Variants in HACL1 observed in about 807,000 individuals in gnomAD.
HACL1 encodes 1600020H07Rik.
A neutral mutation model predicts 74.2 loss-of-function variants in HACL1; 64 were observed. The ratio of observed to expected loss-of-function variants is 0.86; its 90% confidence interval spans 0.70 to 1.06. HACL1 has a LOEUF of 1.06. Ranked by LOEUF, HACL1 falls within the 50% of genes least tolerant of loss-of-function variation. The probability of loss-of-function intolerance (pLI) is 0.00; values close to 1 mark genes in which losing one functional copy is unlikely to be tolerated. For synonymous variants in HACL1, 230 were observed against 238.8 expected, an observed-to-expected ratio of 0.96 and a Z score of 0.34; for missense variants, 728 against 719.7, an observed-to-expected ratio of 1.01 and a Z score of -0.13.
intron 16 of HACL1, 61 bp from the exon 17 acceptor site, chr3:15,560,958 CATT>C: frequency 8.2e-7 from 1 of 1,223,894 alleles, no homozygotes. Flanking sequence ...ATTATATCCT[CATT>C]GTTTCACTTG....
Position 15,586,894 on chromosome 3 carries a change from T to A in HACL1, c.382-292A>T, listed in dbSNP as rs116826774. ...AATAGGCACTTCTATAAACTGCTGGTGAGACTATAAATGGGAAAGGAAGTT... is the reference window on the plus strand; with the variant it reads ...AATAGGCACTTCTATAAACTGCTGGAGAGACTATAAATGGGAAAGGAAGTT... On this transcript the variant is annotated intron_variant, in intron 5 of 16. Transcript: ENST00000321169. 4.3e-3 allele frequency among the ~76,000 whole-genome samples: 648 copies of A among 152,244 alleles called. 4 individuals carry two copies. The highest frequency in any genetic ancestry group is 0.014 in the African/African-American group (597 of 41,544).
At chr3:15,575,150 G>C (rs903003795) in intron 9 of HACL1, 68 bp from the exon 10 acceptor site, 2 of 805,088 alleles carry the variant, frequency 2.5e-6, no homozygotes, top group African/African-American at 3.4e-5. Flanking sequence ...ATTCATCTCT[G>C]AAGTATTTGA....
chr3:15,583,587 T>C (rs114840556), intron 7 of HACL1, among the ~76,000 whole-genome samples: 1 of 151,950 alleles, frequency 6.6e-6, no homozygotes, highest in African/African-American at 2.4e-5. Context: ...AGGACTGAAC[T>C]AGTCATTCTG....
intron 9 of HACL1, among the ~76,000 whole-genome samples, chr3:15,575,413 A>G (rs933922560): frequency 1.3e-5 from 2 of 152,226 alleles, no homozygotes. Flanking sequence ...AAAAAACAAA[A>G]TCACCCCATA....
rs752404751 is a variant in HACL1 at position 15,568,503 on chromosome 3, G to C, written c.1179C>G (p.Phe393Leu). The C allele has an allele frequency of 6.3e-7, 1 of 1,598,554 alleles. No homozygotes were observed. Among genetic ancestry groups the C allele is most frequent in the Non-Finnish European group, 8.6e-7 (1 of 1,166,044 alleles). Residue 393 changes from phenylalanine to leucine, a missense_variant, in exon 13 of 17, where the codon TTC becomes TTG. Coordinates refer to ENST00000321169, the MANE Select transcript of HACL1 (RefSeq NM_012260.4). ...HVQEQLPRDC[F>L]VVSEGANTMD... The stretch of plus-strand genomic sequence containing the variant: ...TAGTATTTGCTCCTTCACTTACCAC[G>C]AAACAGTCTCTAGGTAGTTGTTCTT...
intron 3 of HACL1, among the ~76,000 whole-genome samples, chr3:15,593,686 G>T (rs1231276237): frequency 1.3e-5 from 2 of 151,332 alleles, no homozygotes; most frequent in East Asian, 3.9e-4. Flanking sequence ...TATGAAAAAA[G>T]GTTTTTTTTT....
intron 12 of HACL1, among the ~76,000 whole-genome samples, chr3:15,570,112 G>A (rs1282002162): frequency 2.6e-5 from 4 of 152,054 alleles, no homozygotes; most frequent in Admixed American, 2.0e-4. Context: ...CAAGGCGGGC[G>A]GATCACGAGG....
At chr3:15,583,964 A>T (rs1289188158) in intron 7 of HACL1, among the ~76,000 whole-genome samples, 1 of 152,122 alleles carries the variant, frequency 6.6e-6, no homozygotes, top group Non-Finnish European at 1.5e-5. Flanking sequence ...GCCCCACTAC[A>T]GTTCCACTCA....
intron 14 of HACL1, among the ~76,000 whole-genome samples, chr3:15,564,866 A>T (rs187809850): frequency 5.9e-5 from 9 of 152,304 alleles, no homozygotes; most frequent in Admixed American, 3.9e-4. Context: ...AGAATGCAAG[A>T]TTAAGAGTTG....
chr3:15,579,488 G>A (rs2063686310), intron 9 of HACL1, among the ~76,000 whole-genome samples: 2 of 152,110 alleles, frequency 1.3e-5, no homozygotes, highest in South Asian at 2.1e-4. Flanking sequence ...GTATCAAAAT[G>A]GATGAAGGTT....
intron 9 of HACL1, among the ~76,000 whole-genome samples, chr3:15,576,709 C>T (rs76518205): frequency 0.011 from 1,613 of 152,072 alleles, 29 homozygotes; most frequent in African/African-American, 0.036. Context: ...TTGTTTTTCA[C>T]TTCTCATTTT....
In HACL1 at chr3:15,601,552, C is replaced by T; in HGVS notation, c.-89G>A. 1 of 1,604,210 alleles carries T rather than the reference C, an allele frequency of 6.2e-7. No homozygotes were observed. Among genetic ancestry groups the T allele is most frequent in the Middle Eastern group, 1.7e-4 (1 of 6,060 alleles). Reference sequence around the variant, plus strand: ...AAACGCGAAATCGGCAGCACGCCACCTCTGGTACTGCACCTCTGACGGACA... The same window carrying T: ...AAACGCGAAATCGGCAGCACGCCACTTCTGGTACTGCACCTCTGACGGACA... On this transcript the variant is annotated 5_prime_UTR_variant, in exon 1 of 17. Transcript: ENST00000321169.
At chr3:15,583,171 T>C (rs890467544) in intron 7 of HACL1, among the ~76,000 whole-genome samples, 182 bp from the exon 8 acceptor site, 2 of 152,222 alleles carry the variant, frequency 1.3e-5, no homozygotes, top group Non-Finnish European at 1.5e-5. Flanking sequence ...TAAACATGCA[T>C]TTATTTTTCA....
intron 8 of HACL1, among the ~76,000 whole-genome samples, chr3:15,582,299 T>C (rs2063727458): frequency 6.6e-6 from 1 of 152,178 alleles, no homozygotes; most frequent in South Asian, 2.1e-4. Context: ...CTTTTCTTTC[T>C]AGGAAACTTA....
At chr3:15,593,782 GTTTT>G (rs200160002) in intron 3 of HACL1, among the ~76,000 whole-genome samples, 1 of 123,736 alleles carries the variant, frequency 8.1e-6, no homozygotes, top group African/African-American at 2.9e-5. Flanking sequence ...AATGTTTTGT[GTTTT>G]TTTTTTTGTC....
Position 15,575,075 on chromosome 3 carries a change from G to A in HACL1, c.811C>T (p.Gln271Ter), listed in dbSNP as rs2063599073. The change falls in exon 10 of 17, where the codon CAA (glutamine) becomes TAA (stop). Residue 271 changes from glutamine (Q) to a stop codon, truncating the protein, a stop_gained. Coordinates refer to ENST00000321169, the MANE Select transcript of HACL1 (RefSeq NM_012260.4). LOFTEE classifies it high-confidence loss of function. ...CVGAARSRAL[Q>*]FADVIVLFGA... is the part of the protein sequence containing the mutation. ...AATAACACAATTACATCAGCAAATT[G>A]CAAAGCCCTATTAAAAAAATTGATA... 2 of 1,536,414 alleles carry A rather than the reference G, an allele frequency of 1.3e-6. No individual in the cohort carries two copies. The highest frequency in any genetic ancestry group is 1.8e-6 in the Non-Finnish European group (2 of 1,112,846).
At chr3:15,573,450 T>A (rs898781589) in intron 10 of HACL1, among the ~76,000 whole-genome samples, 4 of 152,222 alleles carry the variant, frequency 2.6e-5, no homozygotes, top group Admixed American at 1.3e-4. Flanking sequence ...TCTTCCCTCA[T>A]TTAAAAATCT....
At chr3:15,587,765 T>A (rs1027677613) in intron 5 of HACL1, among the ~76,000 whole-genome samples, 2 of 152,232 alleles carry the variant, frequency 1.3e-5, no homozygotes, top group Non-Finnish European at 2.9e-5. Context: ...TCTAAGAGTA[T>A]AAAAATATAA....
At chr3:15,574,897 G>C in intron 10 of HACL1, 80 bp downstream of exon 10, 1 of 618,126 alleles carries the variant, frequency 1.6e-6, no homozygotes, top group Non-Finnish European at 2.9e-6. Flanking sequence ...TAATCAAGAA[G>C]ATAACAGAGC....
Sources: gnomAD v4.1 joint callset for allele counts (sites outside exome capture counted in the v4.1 genomes callset) on GRCh38, gnomAD v4.1.1 for gene constraint, MANE v1.5 for transcripts, NCBI Gene and HGNC (gene_info 2026-07-23, HGNC 2026-07-21) for gene names.